The following TACC1 variants were observed in gnomAD, a reference collection of about 807,000 sequenced individuals.
The protein encoded by TACC1 is transforming acidic coiled-coil-containing protein 1.
In TACC1, 48 loss-of-function variants were observed where a neutral mutation model predicts 84.4. That is an observed-to-expected ratio of 0.57 (90% CI 0.45 to 0.72). TACC1 has a LOEUF of 0.72. Ranked by LOEUF, TACC1 falls within the 30% of genes least tolerant of loss-of-function variation. The pLI, the probability that TACC1 is intolerant of heterozygous loss-of-function variation, is 0.00. For synonymous variants in TACC1, 372 were observed against 376.3 expected (o/e 0.99, Z 0.13); for missense variants, 920 against 973.0 (o/e 0.95, Z 0.72).
intron 3 of TACC1, among the ~76,000 whole-genome samples, chr8:38,762,121 C>T (rs1026614720): frequency 6.6e-6 from 1 of 152,150 alleles, no homozygotes; most frequent in African/African-American, 2.4e-5. Flanking sequence ...AAGATAGATA[C>T]TCTATCAAGA....
At chr8:38,793,209 A>G (rs1244150085) in intron 2 of TACC1, among the ~76,000 whole-genome samples, 1 of 152,216 alleles carries the variant, frequency 6.6e-6, no homozygotes, top group African/African-American at 2.4e-5. Context: ...TTTCCCCAGA[A>G]TAGAAGAAAA....
chr8:38,786,136 A>C (rs1817093264), upstream of TACC1, among the ~76,000 whole-genome samples: 1 of 152,024 alleles, frequency 6.6e-6, no homozygotes, highest in African/African-American at 2.4e-5. Context: ...ATGCACCACA[A>C]CTCGGAAATT....
chr8:38,742,427 C>A, exon 2 of TACC1: 3 of 1,529,502 alleles, frequency 2.0e-6, no homozygotes, highest in Non-Finnish European at 2.6e-6. Context: ...ACACTGAGAT[C>A]AAATGCAAAG....
chr8:38,791,743 A>C (rs955244406), intron 2 of TACC1, among the ~76,000 whole-genome samples: 1 of 152,224 alleles, frequency 6.6e-6, no homozygotes, highest in Non-Finnish European at 1.5e-5. Context: ...ATATAAGACT[A>C]AATCATTCTG....
chr8:38,836,944 G>GT (rs200123930), intron 7 of TACC1, among the ~76,000 whole-genome samples: 3,826 of 151,682 alleles, frequency 0.025, 147 homozygotes, highest in African/African-American at 0.087. Flanking sequence ...TAGTTTTATA[G>GT]TTTTTTTTAG....
intron 1 of TACC1, 98 bp from the exon 2 acceptor site, chr8:38,788,606 A>G: frequency 1.0e-6 from 1 of 979,996 alleles, no homozygotes; most frequent in Non-Finnish European, 1.5e-6. Context: ...GAAGTTAGAC[A>G]AAAGTGCTGG....
At chr8:38,794,220 A>G (rs1294946544) in intron 2 of TACC1, among the ~76,000 whole-genome samples, 2 of 152,238 alleles carry the variant, frequency 1.3e-5, no homozygotes, top group African/African-American at 4.8e-5. Flanking sequence ...TGGGGAGAAT[A>G]TTGGAATCAT....
At chr8:38,840,463 C>G (rs895897005) in intron 9 of TACC1, 196 bp downstream of exon 9, 1 of 471,564 alleles carries the variant, frequency 2.1e-6, no homozygotes. Context: ...AAGGGGCTGG[C>G]TAGCTCTCTG....
At chr8:38,831,091 T>G in intron 5 of TACC1, 34 bp from the exon 6 acceptor site, 1 of 1,612,812 alleles carries the variant, frequency 6.2e-7, no homozygotes, top group Non-Finnish European at 8.5e-7. Flanking sequence ...AACCGACTTC[T>G]TGGGATAACT....
intron 2 of TACC1, among the ~76,000 whole-genome samples, chr8:38,805,202 T>C (rs1163127928): frequency 2.0e-5 from 3 of 152,220 alleles, no homozygotes; most frequent in Admixed American, 6.5e-5. Flanking sequence ...ACCTCTCTCA[T>C]AGCACATACC....
At chr8:38,784,567 C>CAA (rs545249667), upstream of TACC1, among the ~76,000 whole-genome samples, 1 of 128,470 alleles carries the variant, frequency 7.8e-6, no homozygotes, top group South Asian at 2.4e-4. Flanking sequence ...GACTCCATCT[C>CAA]AAAAAAAAAA....
intron 3 of TACC1, among the ~76,000 whole-genome samples, chr8:38,775,857 C>T (rs1326538541): frequency 6.6e-6 from 1 of 152,036 alleles, no homozygotes; most frequent in Non-Finnish European, 1.5e-5. Flanking sequence ...CAGGGAAGAC[C>T]GGTAAGGATA....
intron 2 of TACC1, among the ~76,000 whole-genome samples, chr8:38,789,836 G>A (rs1170459082): frequency 6.6e-6 from 1 of 152,192 alleles, no homozygotes; most frequent in Non-Finnish European, 1.5e-5. Context: ...CCAGCCAGGA[G>A]GTCAGTGTGG....
intron 2 of TACC1, among the ~76,000 whole-genome samples, chr8:38,792,659 G>A (rs1483386984): frequency 3.3e-5 from 5 of 152,178 alleles, no homozygotes; most frequent in Admixed American, 2.6e-4. Flanking sequence ...TAGAGACGGG[G>A]TTTCACCGTG....
At chr8:38,830,603 G>A (rs1273685077) in intron 5 of TACC1, among the ~76,000 whole-genome samples, 1 of 151,578 alleles carries the variant, frequency 6.6e-6, no homozygotes, top group Non-Finnish European at 1.5e-5. Context: ...CTCTACCCTA[G>A]TAGAGTAGAG....
intron 3 of TACC1, among the ~76,000 whole-genome samples, chr8:38,767,124 C>T (rs2151853968): frequency 6.6e-6 from 1 of 152,288 alleles, no homozygotes; most frequent in Middle Eastern, 3.4e-3. Flanking sequence ...GCTTTCCTAA[C>T]AACGGCAAAA....
intron 3 of TACC1, among the ~76,000 whole-genome samples, chr8:38,764,584 A>G (rs1347258093): frequency 2.6e-5 from 4 of 151,830 alleles, no homozygotes; most frequent in African/African-American, 9.7e-5. Context: ...TGGTATATTA[A>G]TTTTTCCATA....
chr8:38,797,593 C>T (rs1046327626), intron 2 of TACC1, among the ~76,000 whole-genome samples: 1 of 152,248 alleles, frequency 6.6e-6, no homozygotes, highest in African/African-American at 2.4e-5. Flanking sequence ...CTGGAGGCCC[C>T]TCTCTTGCTG....
intron 11 of TACC1, among the ~76,000 whole-genome samples, chr8:38,845,121 C>T (rs1229681187): frequency 2.0e-5 from 3 of 152,172 alleles, no homozygotes; most frequent in South Asian, 2.1e-4. Context: ...GACGGGGTTT[C>T]GCCATGTTGG....
Sources: gnomAD v4.1 joint callset for allele counts (sites outside exome capture counted in the v4.1 genomes callset) on GRCh38, gnomAD v4.1.1 for gene constraint, MANE v1.5 for transcripts, NCBI Gene and HGNC (gene_info 2026-07-23, HGNC 2026-07-21) for gene names.